CSMD1: variants seen among roughly 807,000 people sequenced by gnomAD.
CSMD1 encodes CUB and sushi domain-containing protein 1.
CSMD1 carries 213 observed loss-of-function variants against 417.5 expected under a neutral mutation model. That is an observed-to-expected ratio of 0.51 (90% CI 0.46 to 0.57). The LOEUF is 0.57. Ranked by LOEUF, CSMD1 falls within the 20% of genes least tolerant of loss-of-function variation. The pLI is 0.00. For missense variants in CSMD1, 6,923 were observed against 4,529.7 expected (o/e 1.53, Z -15.17); for synonymous variants, 2,862 against 1,736.8 (o/e 1.65, Z -16.11).
At chr8:3,898,477 A>G (rs1436148839) in intron 5 of CSMD1, among the ~76,000 whole-genome samples, 1 of 152,264 alleles carries the variant, frequency 6.6e-6, no homozygotes, top group Non-Finnish European at 1.5e-5. Context: ...ATGTCGCATC[A>G]TAATTGTACA....
chr8:3,756,475 CAT>C (rs558750542), intron 5 of CSMD1, among the ~76,000 whole-genome samples: 3 of 151,938 alleles, frequency 2.0e-5, no homozygotes, highest in Non-Finnish European at 4.4e-5. Context: ...ACTACAAACA[CAT>C]AGATATACAC....
intron 26 of CSMD1, among the ~76,000 whole-genome samples, chr8:3,258,124 G>C (rs1485585445): frequency 6.6e-6 from 1 of 152,062 alleles, no homozygotes; most frequent in Non-Finnish European, 1.5e-5. Flanking sequence ...TGTGGGATAT[G>C]AAAGACAGAA....
chr8:3,724,105 C>A (rs530055582), intron 6 of CSMD1, among the ~76,000 whole-genome samples: 2 of 144,664 alleles, frequency 1.4e-5, no homozygotes, highest in African/African-American at 4.9e-5. Context: ...ACATTAAATA[C>A]GAAAGCAGAT....
At position 2,998,200 on chromosome 8, in the gene CSMD1, T is replaced by A. The variant is rs1387457947; in HGVS notation, c.8204-16A>T. The A allele has an allele frequency of 3.1e-6, 5 of 1,612,670 alleles. No homozygotes were observed. Among genetic ancestry groups the A allele is most frequent in the Middle Eastern group, 1.7e-4 (1 of 6,054 alleles). ...CATGTGATGGCTGTAGAGAGACAGG[T>A]CAACGTCATTGTTAAATATTGAACA... On this transcript the variant is annotated splice_polypyrimidine_tract_variant and intron_variant, in intron 53 of 69. Transcript: ENST00000635120.
intron 4 of CSMD1, among the ~76,000 whole-genome samples, chr8:4,030,480 C>A (rs536267921): frequency 5.3e-5 from 8 of 152,310 alleles, no homozygotes; most frequent in African/African-American, 1.9e-4. Context: ...TTGCCCCTTT[C>A]AGCCACAGTT....
chr8:4,438,447 T>A (rs906353080), intron 2 of CSMD1, among the ~76,000 whole-genome samples: 1 of 152,184 alleles, frequency 6.6e-6, no homozygotes, highest in Non-Finnish European at 1.5e-5. Context: ...ACGCTGAATG[T>A]TAACTGGGAC....
chr8:3,083,372 C>T (rs1814250002), intron 49 of CSMD1, among the ~76,000 whole-genome samples: 1 of 151,386 alleles, frequency 6.6e-6, no homozygotes, highest in South Asian at 2.1e-4. Context: ...AGGAAAAGAG[C>T]AACACATCGT....
chr8:4,310,529 C>CTTCG (rs1798501890), intron 3 of CSMD1, among the ~76,000 whole-genome samples: 2 of 151,770 alleles, frequency 1.3e-5, no homozygotes, highest in Non-Finnish European at 2.9e-5. Flanking sequence ...AATAAAATAT[C>CTTCG]TTTGGACACA....
chr8:3,659,636 G>A (rs777159637), intron 7 of CSMD1, among the ~76,000 whole-genome samples: 2 of 152,216 alleles, frequency 1.3e-5, no homozygotes, highest in East Asian at 1.9e-4. Flanking sequence ...GGGTAGTGGT[G>A]ATGTGGCAAA....
In CSMD1 at chr8:4,317,742, A is replaced by T. The variant is rs562432041; in HGVS notation, c.415+102211T>A. Among the ~76,000 whole-genome samples the T allele has an allele frequency of 6.7e-4, 102 of 152,296 alleles. No homozygotes were observed. In the Middle Eastern group the frequency reaches 0.014, roughly 20 times the overall value. The stretch of plus-strand genomic sequence containing the variant: ...ATAGCTCAGCTGAGTACATGTCTGT[A>T]CCATTTAGGTTACTTCCACACTGCC... On this transcript the variant is annotated intron_variant, in intron 3 of 69. Transcript: ENST00000635120.
At chr8:4,986,164 G>A (rs922771854) in intron 1 of CSMD1, among the ~76,000 whole-genome samples, 1 of 152,154 alleles carries the variant, frequency 6.6e-6, no homozygotes, top group Non-Finnish European at 1.5e-5. Context: ...TAAAAGTGAA[G>A]ATAGACTCTA....
intron 1 of CSMD1, among the ~76,000 whole-genome samples, chr8:4,639,239 C>A (rs1198036731): frequency 7.0e-6 from 1 of 143,840 alleles, no homozygotes; most frequent in South Asian, 2.2e-4. Flanking sequence ...AATTTGGTCC[C>A]TGTGGTTGTC....
intron 42 of CSMD1, among the ~76,000 whole-genome samples, chr8:3,115,453 C>T (rs1301748439): frequency 2.0e-5 from 3 of 152,166 alleles, no homozygotes; most frequent in Non-Finnish European, 4.4e-5. Flanking sequence ...CCACCCACCT[C>T]GGTCTCCCAA....
At chr8:3,444,512 T>C (rs73497412) in intron 12 of CSMD1, among the ~76,000 whole-genome samples, 20,507 of 152,120 alleles carry the variant, frequency 0.13, 1,515 homozygotes, top group African/African-American at 0.2. Context: ...CTCCCCTCAT[T>C]GGGACATTTG....
chr8:4,666,471 T>C (rs796181697), intron 1 of CSMD1, among the ~76,000 whole-genome samples: 26 of 152,204 alleles, frequency 1.7e-4, no homozygotes, highest in African/African-American at 6.3e-4. Context: ...CTAGAAGCTG[T>C]GAGAGGCAAA....
chr8:4,926,876 G>C (rs932654404), intron 1 of CSMD1, among the ~76,000 whole-genome samples: 1 of 151,936 alleles, frequency 6.6e-6, no homozygotes, highest in Non-Finnish European at 1.5e-5. Flanking sequence ...GCTCTTTCCA[G>C]ATTTTTTATA....
chr8:4,146,285 C>G (rs570743663), intron 3 of CSMD1, among the ~76,000 whole-genome samples: 2 of 150,924 alleles, frequency 1.3e-5, no homozygotes, highest in Non-Finnish European at 2.9e-5. Context: ...GTAGTGCAGT[C>G]GGCACAGTGC....
Position 3,499,678 on chromosome 8 carries a change from C to T in CSMD1, c.1345-5952G>A, listed in dbSNP as rs548249865. On this transcript the variant is annotated intron_variant, in intron 10 of 69. Transcript: ENST00000635120. ...AGAGTGGCCTCCCGACTCTGCTTGA[C>T]GACTTGTGGTATAGGGTACTTCATG... Among the ~76,000 whole-genome samples, 104 of 152,034 alleles carry T rather than the reference C, an allele frequency of 6.8e-4. 1 individual carries two copies. The highest frequency in any genetic ancestry group is 2.5e-3 in the South Asian group (12 of 4,808).
In CSMD1 at chr8:4,943,662, C is replaced by T. The variant is rs1261704367; in HGVS notation, c.85+50670G>A. On this transcript the variant is annotated intron_variant, in intron 1 of 69. Coordinates refer to ENST00000635120, the MANE Select transcript of CSMD1 (RefSeq NM_033225.6). ...TACTATGTTGTCCAAGTTATCCTAT[C>T]TAGAACTTTGCAGACTGAATCACAT... 3.3e-5 allele frequency among the ~76,000 whole-genome samples: 5 copies of T among 152,254 alleles called. No individual in the cohort carries two copies. In the East Asian group the frequency reaches 9.7e-4, roughly 29 times the overall value.
Sources: allele counts gnomAD v4.1 joint callset (sites outside exome capture counted in the v4.1 genomes callset), GRCh38; gene constraint gnomAD v4.1.1; transcripts MANE v1.5; gene names NCBI Gene and HGNC (gene_info 2026-07-23, HGNC 2026-07-21).